Variants in CDKN2B-AS1 observed in about 807,000 individuals in gnomAD.
The protein encoded by CDKN2B-AS1 is CDKN2B and CDKN2A antisense cis and trans regulatory RNA 1, also known as CDKN2B antisense RNA 1 (non-protein coding).
intron 4 of CDKN2B-AS1, among the ~76,000 whole-genome samples, chr9:22,071,676 C>T (rs565147224): frequency 1.3e-5 from 2 of 152,244 alleles, no homozygotes; most frequent in African/African-American, 4.8e-5. Context: ...GAAGTACACT[C>T]AATTTTCAAG....
At position 22,000,248 on chromosome 9, in the gene CDKN2B-AS1, T is replaced by C. The variant is rs3218005; in HGVS notation, n.29+5087T>C. Among the ~76,000 whole-genome samples the C allele has an allele frequency of 0.14, 21,298 of 152,104 alleles. 1,773 individuals carry two copies. Among genetic ancestry groups the C allele is most frequent in the African/African-American group, 0.23 (9,738 of 41,490 alleles). The stretch of plus-strand genomic sequence containing the variant: ...AATGGAAGGGGTTTTAAACTTGTTG[T>C]CCTCAAATGACTACTGAGGCAAACA... On this transcript the variant is annotated intron_variant and non_coding_transcript_variant, in intron 1 of 4. Transcript: ENST00000650946. The surrounding 1 kb of genome is among the most constrained non-coding windows in gnomAD (Gnocchi z 4.1).
intron 1 of CDKN2B-AS1, chr9:22,003,841 C>T (rs1376814841): frequency 4.3e-6 from 1 of 232,010 alleles, no homozygotes; most frequent in Non-Finnish European, 8.5e-6. Flanking sequence ...AGAAAAGCCA[C>T]CTTAGGAGCT....
intron 4 of CDKN2B-AS1, chr9:22,113,653 G>T (rs1157867458): frequency 6.6e-6 from 1 of 152,076 alleles, no homozygotes; most frequent in Non-Finnish European, 1.5e-5. Context: ...TCTTTGCCCT[G>T]CTTGCCTCAC....
chr9:22,036,367 T>G (rs1822688255), intron 1 of CDKN2B-AS1, among the ~76,000 whole-genome samples: 1 of 152,046 alleles, frequency 6.6e-6, no homozygotes, highest in South Asian at 2.1e-4. Context: ...AAGACACAAT[T>G]CTTTGATAGG....
At chr9:22,031,888 C>T (rs1822487520) in intron 1 of CDKN2B-AS1, among the ~76,000 whole-genome samples, 1 of 152,204 alleles carries the variant, frequency 6.6e-6, no homozygotes, top group Non-Finnish European at 1.5e-5. Flanking sequence ...CAGGCTGCCA[C>T]AGAAGAGAGG....
At chr9:22,008,449 ATACTT>A (rs1821301942) in intron 1 of CDKN2B-AS1, among the ~76,000 whole-genome samples, 1 of 152,170 alleles carries the variant, frequency 6.6e-6, no homozygotes, top group African/African-American at 2.4e-5. Context: ...TGCGTAACTT[ATACTT>A]TACTTATCTT....
intron 4 of CDKN2B-AS1, among the ~76,000 whole-genome samples, chr9:22,069,352 C>T (rs1323380179): frequency 4.5e-5 from 3 of 66,524 alleles, no homozygotes; most frequent in Admixed American, 1.9e-4. Context: ...ATTTTTTTCT[C>T]GAATAACCAC....
chr9:22,018,782 T>A (rs7044859), intron 1 of CDKN2B-AS1, among the ~76,000 whole-genome samples: 85,512 of 152,128 alleles, frequency 0.56, 25,124 homozygotes, highest in African/African-American at 0.7. Context: ...AAATCTTGAA[T>A]AATTAGCTAT....
At chr9:22,025,355 C>A (rs1158399055) in intron 1 of CDKN2B-AS1, among the ~76,000 whole-genome samples, 1 of 152,182 alleles carries the variant, frequency 6.6e-6, no homozygotes, top group East Asian at 1.9e-4. Context: ...CACTTAGGGT[C>A]TTTGCTCCTT....
chr9:22,091,662 C>T (rs1159179926), intron 4 of CDKN2B-AS1, among the ~76,000 whole-genome samples: 5 of 152,216 alleles, frequency 3.3e-5, no homozygotes, highest in Admixed American at 1.3e-4. Flanking sequence ...GTGATTTTCG[C>T]ACATTGATTT....
rs928729146 is a variant in CDKN2B-AS1 at position 22,054,934 on chromosome 9, T to C, written n.303-1318T>C. The stretch of plus-strand genomic sequence containing the variant: ...GCCTGGCTCACTTTTGTATTTTTAG[T>C]AGAGATGGGGTTTCACCATGTTGGC... On this transcript the variant is annotated intron_variant and non_coding_transcript_variant, in intron 3 of 4. Transcript: ENST00000650946. Among the ~76,000 whole-genome samples the C allele has an allele frequency of 1.2e-4, 18 of 151,846 alleles. 1 individual carries two copies. Among genetic ancestry groups the C allele is most frequent in the African/African-American group, 3.9e-4 (16 of 41,374 alleles).
intron 4 of CDKN2B-AS1, among the ~76,000 whole-genome samples, chr9:22,125,036 T>C (rs527837580): frequency 9.2e-5 from 14 of 152,382 alleles, no homozygotes; most frequent in Admixed American, 2.0e-4. Context: ...CTCTCTCACA[T>C]GTACGTGCAT....
intron 4 of CDKN2B-AS1, among the ~76,000 whole-genome samples, chr9:22,124,611 C>T (rs965587679): frequency 6.6e-6 from 1 of 152,146 alleles, no homozygotes; most frequent in East Asian, 1.9e-4. Context: ...CATCACTTAA[C>T]CTCTATTTTT....
chr9:22,128,117 G>A (rs966357941), downstream of CDKN2B-AS1, among the ~76,000 whole-genome samples: 5 of 152,014 alleles, frequency 3.3e-5, no homozygotes, highest in Admixed American at 1.3e-4. Context: ...ATATATATTT[G>A]CAATAAATGA....
chr9:22,012,147 A>G lies in CDKN2B-AS1; in HGVS notation n.29+16986A>G, dbSNP rs542162599. The G allele has an allele frequency of 4.9e-6, 6 of 1,221,414 alleles. No homozygotes were observed. In the African/African-American group the frequency reaches 7.5e-5, roughly 15 times the overall value. 75.7% of individuals were successfully genotyped at this position (1,221,414 alleles called of 1,614,324 possible). A position where few individuals can be genotyped will look rare whatever the true frequency, so the allele number is the denominator to read the frequency against. On this transcript the variant is annotated intron_variant and non_coding_transcript_variant, in intron 1 of 4. Transcript: ENST00000650946. ...CTTCAGCGAGGCAGCCGAGCTGCAG[A>G]CACAGAGATGCAGATCTTTGTGAAG...
intron 1 of CDKN2B-AS1, chr9:22,004,320 T>A (rs1477459282): frequency 4.3e-6 from 1 of 232,290 alleles, no homozygotes; most frequent in Non-Finnish European, 8.5e-6. Flanking sequence ...TTGTTTCTGT[T>A]CCTTTTTTCT....
At chr9:22,098,297 T>C (rs897806231) in intron 4 of CDKN2B-AS1, among the ~76,000 whole-genome samples, 2 of 151,476 alleles carry the variant, frequency 1.3e-5, no homozygotes, top group Non-Finnish European at 2.9e-5. Context: ...TATTTATATA[T>C]AGTAAAAAAG....
intron 4 of CDKN2B-AS1, among the ~76,000 whole-genome samples, chr9:22,100,566 TGAA>T (rs1825448154): frequency 6.6e-6 from 1 of 152,224 alleles, no homozygotes; most frequent in Non-Finnish European, 1.5e-5. Flanking sequence ...GTTCATCAGT[TGAA>T]GAACATTGCA....
At chr9:22,067,543 C>T (rs10811648) in intron 4 of CDKN2B-AS1, among the ~76,000 whole-genome samples, 98,035 of 151,442 alleles carry the variant, frequency 0.65, 31,952 homozygotes, top group Middle Eastern at 0.79. Flanking sequence ...CACACACGCA[C>T]GCACACACAC....
Sources: gnomAD v4.1 joint callset for allele counts (sites outside exome capture counted in the v4.1 genomes callset) on GRCh38, gnomAD v4.1.1 for gene constraint, Gnocchi (gnomAD v3.1) non-coding constraint, MANE v1.5 for transcripts, NCBI Gene and HGNC (gene_info 2026-07-23, HGNC 2026-07-21) for gene names.